The following KCNN2 variants were observed in gnomAD, a reference collection of about 807,000 sequenced individuals.
KCNN2 encodes the protein potassium calcium-activated channel subfamily N member 2.
KCNN2 carries 24 observed loss-of-function variants against 55.5 expected under a neutral mutation model. The observed-to-expected ratio is 0.43, with a 90% CI of 0.31 to 0.61. The LOEUF is 0.61. Ranked by LOEUF, KCNN2 falls within the 20% of genes least tolerant of loss-of-function variation. The pLI is 0.08. For synonymous variants in KCNN2, 431 were observed against 336.1 expected, an observed-to-expected ratio of 1.28 and a Z score of -3.09; for missense variants, 754 against 853.6, an observed-to-expected ratio of 0.88 and a Z score of 1.45.
At chr5:114,403,887 G>T (rs530975125) in intron 2 of KCNN2, among the ~76,000 whole-genome samples, 77 of 152,292 alleles carry the variant, frequency 5.1e-4, no homozygotes, top group African/African-American at 1.8e-3. Context: ...TAGAGTAGTC[G>T]TGGGGAAACT....
chr5:114,462,706 G>C (rs1046748354), intron 3 of KCNN2, among the ~76,000 whole-genome samples: 1 of 152,168 alleles, frequency 6.6e-6, no homozygotes, highest in African/African-American at 2.4e-5. Context: ...GCTGCATATT[G>C]TCTCTTAAGT....
At chr5:114,378,247 C>T (rs554042099) in intron 2 of KCNN2, among the ~76,000 whole-genome samples, 18 of 152,284 alleles carry the variant, frequency 1.2e-4, no homozygotes, top group East Asian at 3.9e-4. Flanking sequence ...TTTTGTGCTA[C>T]GATGGCAGAG....
At position 114,232,671 on chromosome 5, in the gene KCNN2, A is replaced by G. The variant is rs945398444; in HGVS notation, c.-185+11106A>G. The stretch of plus-strand genomic sequence containing the variant: ...CTTTTAAATAAATAATCCCCATTGA[A>G]TTGTCTTCTCTAGCTTAAAAAGTAT... On this transcript the variant is annotated intron_variant, in intron 2 of 10. Transcript: ENST00000512097. 6.0e-5 allele frequency among the ~76,000 whole-genome samples: 9 copies of G among 150,824 alleles called. 1 individual carries two copies. The highest frequency in any genetic ancestry group is 2.2e-4 in the African/African-American group (9 of 40,340).
Position 114,168,174 on chromosome 5 carries a change from T to TATACAC in KCNN2, c.-270-53305_-270-53304insTACACA, listed in dbSNP as rs1554072772. On this transcript the variant is annotated intron_variant, in intron 1 of 10. Coordinates refer to the KCNN2 transcript ENST00000512097. ...ATAATCATATATATGTGGATATATATACACACACACACACACACACACACA... is the reference window on the plus strand; with the variant it reads ...ATAATCATATATATGTGGATATATATATACACACACACACACACACACACACACACA... Among the ~76,000 whole-genome samples, 136 of 148,706 alleles carry TATACAC rather than the reference T, an allele frequency of 9.1e-4. No homozygotes were observed. In the East Asian group the frequency reaches 0.012, roughly 14 times the overall value.
At chr5:114,207,563 A>G (rs778744095) in intron 1 of KCNN2, among the ~76,000 whole-genome samples, 2 of 152,180 alleles carry the variant, frequency 1.3e-5, no homozygotes, top group African/African-American at 2.4e-5. Context: ...CATTTTTATT[A>G]TAGATCTTAT....
chr5:114,228,128 A>G (rs114758486), intron 2 of KCNN2, among the ~76,000 whole-genome samples: 4,534 of 152,142 alleles, frequency 0.03, 233 homozygotes, highest in African/African-American at 0.1. Flanking sequence ...AATGACATAG[A>G]TTTGGTGTTC....
At chr5:114,450,747 T>G (rs1324080067) in intron 3 of KCNN2, among the ~76,000 whole-genome samples, 1 of 152,134 alleles carries the variant, frequency 6.6e-6, no homozygotes, top group Non-Finnish European at 1.5e-5. Flanking sequence ...TTATGGAAAT[T>G]AGTGGAGAAT....
intron 1 of KCNN2, among the ~76,000 whole-genome samples, chr5:114,163,732 A>G (rs1192172341): frequency 6.6e-6 from 1 of 152,106 alleles, no homozygotes; most frequent in East Asian, 1.9e-4. Context: ...TGTGTGTCTT[A>G]TTATACACAC....
chr5:114,402,615 T>A (rs187656547), intron 2 of KCNN2, among the ~76,000 whole-genome samples: 177 of 152,190 alleles, frequency 1.2e-3, no homozygotes, highest in South Asian at 9.5e-3. Flanking sequence ...GGCTAATGTA[T>A]CAAATAGAGG....
chr5:114,188,013 A>G (rs1324609419), intron 1 of KCNN2, among the ~76,000 whole-genome samples: 1 of 151,032 alleles, frequency 6.6e-6, no homozygotes, highest in East Asian at 2.0e-4. Flanking sequence ...GGGTTTCTCC[A>G]TGTTGGTCAG....
intron 2 of KCNN2, among the ~76,000 whole-genome samples, chr5:114,242,519 A>G (rs920328863): frequency 6.6e-6 from 1 of 152,206 alleles, no homozygotes; most frequent in Non-Finnish European, 1.5e-5. Flanking sequence ...CACAACCTGA[A>G]TGTCTACCAA....
chr5:114,277,254 C>A (rs1055299135), intron 2 of KCNN2, among the ~76,000 whole-genome samples: 7 of 152,170 alleles, frequency 4.6e-5, no homozygotes, highest in Non-Finnish European at 8.8e-5. Flanking sequence ...GCCTTTCTCT[C>A]TGACTGCCCT....
chr5:114,142,469 G>T (rs1021712966), intron 1 of KCNN2, among the ~76,000 whole-genome samples: 1 of 151,942 alleles, frequency 6.6e-6, no homozygotes, highest in Admixed American at 6.6e-5. Context: ...TTTAGAATAC[G>T]CCATCATCTC....
At chr5:114,310,969 C>A (rs1407160667) in intron 2 of KCNN2, among the ~76,000 whole-genome samples, 1 of 151,930 alleles carries the variant, frequency 6.6e-6, no homozygotes, top group Non-Finnish European at 1.5e-5. Flanking sequence ...CAAAGTCTAC[C>A]CTCTTTTGCT....
chr5:114,098,364 G>C (rs554065592), intron 1 of KCNN2, among the ~76,000 whole-genome samples: 5 of 152,048 alleles, frequency 3.3e-5, no homozygotes, highest in African/African-American at 9.6e-5. Context: ...CCACAGACTG[G>C]TACCAGTCTG....
chr5:114,416,858 T>C (rs1759322557), intron 3 of KCNN2, among the ~76,000 whole-genome samples: 1 of 152,188 alleles, frequency 6.6e-6, no homozygotes, highest in African/African-American at 2.4e-5. Context: ...AGCCACAAAG[T>C]AAGGCACATA....
At chr5:114,205,011 T>C (rs886347515) in intron 1 of KCNN2, among the ~76,000 whole-genome samples, 4 of 152,144 alleles carry the variant, frequency 2.6e-5, no homozygotes, top group African/African-American at 9.7e-5. Flanking sequence ...TTCAGCCAGC[T>C]GAATGAAAAG....
intron 4 of KCNN2, among the ~76,000 whole-genome samples, chr5:114,472,042 T>C (rs1324636622): frequency 2.6e-5 from 4 of 152,196 alleles, no homozygotes; most frequent in African/African-American, 9.6e-5. Flanking sequence ...AGCTGGGCAA[T>C]GTCTATGGTT....
At chr5:114,380,991 G>A (rs78201643) in intron 2 of KCNN2, among the ~76,000 whole-genome samples, 5,973 of 152,232 alleles carry the variant, frequency 0.039, 182 homozygotes, top group Middle Eastern at 0.099. Context: ...CATCTTGTGC[G>A]TCATGGCCAT....
Sources: gnomAD v4.1 joint callset for allele counts (sites outside exome capture counted in the v4.1 genomes callset) on GRCh38, gnomAD v4.1.1 for gene constraint, MANE v1.5 for transcripts, NCBI Gene and HGNC (gene_info 2026-07-23, HGNC 2026-07-21) for gene names.